AKR1E2: variants seen among roughly 807,000 people sequenced by gnomAD.
AKR1E2 encodes the protein aldo-keto reductase family 1 member E2.
In AKR1E2, 43 loss-of-function variants were observed where a neutral mutation model predicts 41.9. The ratio of observed to expected loss-of-function variants is 1.03; its 90% confidence interval spans 0.80 to 1.32. AKR1E2 has a LOEUF of 1.32. AKR1E2 is among the 40% of genes most tolerant of loss of function. The probability of loss-of-function intolerance (pLI) is 0.00; values close to 1 mark genes in which losing one functional copy is unlikely to be tolerated. For synonymous variants in AKR1E2, 121 were observed against 138.9 expected, an observed-to-expected ratio of 0.87 and a Z score of 0.91; for missense variants, 423 against 396.5, an observed-to-expected ratio of 1.07 and a Z score of -0.57.
At chr10:4,848,428 G>T (rs369702586), downstream of AKR1E2, among the ~76,000 whole-genome samples, 3 of 152,186 alleles carry the variant, frequency 2.0e-5, no homozygotes, top group African/African-American at 7.2e-5. Context: ...TGGTCCAGAC[G>T]CCATGATCCC....
chr10:4,825,140 G>A, upstream of AKR1E2: 1 of 375,338 alleles, frequency 2.7e-6, no homozygotes, highest in South Asian at 1.9e-5. Flanking sequence ...ATGCTCACAG[G>A]AGATGCAAGT....
At chr10:4,833,501 CA>C (rs766741451) in intron 3 of AKR1E2, 35 bp downstream of exon 3, 1 of 1,550,092 alleles carries the variant, frequency 6.5e-7, no homozygotes, top group South Asian at 1.1e-5. Context: ...CTGCAGTTTG[CA>C]GGACCTTCCT....
chr10:4,851,532 T>G (rs1834526984), downstream of AKR1E2, among the ~76,000 whole-genome samples: 1 of 152,236 alleles, frequency 6.6e-6, no homozygotes, highest in Non-Finnish European at 1.5e-5. Flanking sequence ...TTCTGTCACG[T>G]ATCGCCTCTG....
chr10:4,872,580 T>C, the AKR1E2 span, among the ~76,000 whole-genome samples: 2 of 152,280 alleles, frequency 1.3e-5, no homozygotes, highest in Admixed American at 6.5e-5. Flanking sequence ...CTGATATTTA[T>C]TGTTAGGGGT....
rs865831254 is a variant in AKR1E2, at chr10:4,833,219, G to A, written c.208-131G>A. 47 of 726,116 alleles carry A rather than the reference G, an allele frequency of 6.5e-5. No homozygotes were observed. The Middle Eastern group carries it at 5.5e-3, about 86-fold the overall frequency. The allele number at this position is 726,116 out of a possible 1,614,324, so 45.0% of individuals were successfully genotyped here. A position where few individuals can be genotyped will look rare whatever the true frequency, so the allele number is the denominator to read the frequency against. ...TGTCCCTGTCCTCCCATCAGAACTT[G>A]CCGTGTTGTATTTGTGGTCATCTCA... On this transcript the variant is annotated intron_variant, in intron 2 of 9. Coordinates refer to ENST00000298375, the MANE Select transcript of AKR1E2 (RefSeq NM_001040177.3).
At chr10:4,835,943 G>A (rs890784979) in intron 4 of AKR1E2, 134 bp downstream of exon 4, 5 of 1,256,838 alleles carry the variant, frequency 4.0e-6, no homozygotes, top group South Asian at 3.1e-5. Context: ...GAGCAAAAAA[G>A]GAATCAATAC....
chr10:4,835,716 C>T lies in AKR1E2; in HGVS notation c.366C>T (p.Ser122=). The part of the protein sequence containing the change: ...PEWIMSCSEL[S]FCLSHPRVQD... ...GGATCATGAGCTGCAGTGAACTTTC[C>T]TTCTGCCTCTCACATCCTCGAGTGC... is the stretch of plus-strand genomic sequence containing the variant. Residue 122 remains serine (S), a synonymous_variant, in exon 4 of 10, where the codon TCC becomes TCT. Coordinates refer to ENST00000298375, the MANE Select transcript of AKR1E2 (RefSeq NM_001040177.3). 1.2e-6 allele frequency: 2 copies of T among 1,614,150 alleles called. No individual in the cohort carries two copies. Among genetic ancestry groups the T allele is most frequent in the Non-Finnish European group, 1.7e-6 (2 of 1,180,046 alleles).
At chr10:4,860,515 G>C in the AKR1E2 span, among the ~76,000 whole-genome samples, 1 of 151,944 alleles carries the variant, frequency 6.6e-6, no homozygotes, top group South Asian at 2.1e-4. Context: ...GAACCTCATA[G>C]TGGCTGCCAA....
chr10:4,870,043 T>G, the AKR1E2 span, among the ~76,000 whole-genome samples: 1 of 152,220 alleles, frequency 6.6e-6, no homozygotes, highest in South Asian at 2.1e-4. Context: ...TAAATCCCAG[T>G]TAGATCCTGT....
chr10:4,863,990 G>T, the AKR1E2 span, among the ~76,000 whole-genome samples: 9 of 152,068 alleles, frequency 5.9e-5, no homozygotes, highest in African/African-American at 2.2e-4. Context: ...ACCAAAAAAA[G>T]CCCAGGACCA....
intron 3 of AKR1E2, among the ~76,000 whole-genome samples, chr10:4,834,726 C>A (rs188988308): frequency 8.1e-4 from 123 of 152,342 alleles, no homozygotes; most frequent in Non-Finnish European, 1.5e-3. Context: ...ACTTTCCTTG[C>A]CCTCATCCTT....
intron 2 of AKR1E2, among the ~76,000 whole-genome samples, chr10:4,833,043 T>G (rs562612581): frequency 6.6e-6 from 1 of 152,320 alleles, no homozygotes; most frequent in Admixed American, 6.5e-5. Context: ...TGCAGGAATT[T>G]CATTTTCGTT....
At chr10:4,857,398 A>AC in the AKR1E2 span, among the ~76,000 whole-genome samples, 38,800 of 151,688 alleles carry the variant, frequency 0.26, 5,151 homozygotes, top group Middle Eastern at 0.37. Context: ...AGTGTGTAGT[A>AC]CCCCCCACAC....
At chr10:4,863,176 C>T in the AKR1E2 span, among the ~76,000 whole-genome samples, 17 of 151,872 alleles carry the variant, frequency 1.1e-4, no homozygotes, top group African/African-American at 3.6e-4. Flanking sequence ...AGCACCACAC[C>T]GCACTTATTC....
rs373678068 is a variant in AKR1E2, at chr10:4,838,271, C to T, written c.582+690C>T. On this transcript the variant is annotated intron_variant, in intron 5 of 9. Transcript: ENST00000298375. ...TCCCATTCCCAGCAGCTGGGATTCACGTCTGAACTTTACACAGGTAAAATA... is the reference window on the plus strand; with the variant it reads ...TCCCATTCCCAGCAGCTGGGATTCATGTCTGAACTTTACACAGGTAAAATA... Among the ~76,000 whole-genome samples, 39 of 152,320 alleles carry T rather than the reference C, an allele frequency of 2.6e-4. No individual in the cohort carries two copies. The East Asian group carries it at 6.9e-3, about 27-fold the overall frequency.
chr10:4,837,872 A>G (rs1237341262), intron 5 of AKR1E2, among the ~76,000 whole-genome samples: 1 of 152,212 alleles, frequency 6.6e-6, no homozygotes, highest in East Asian at 1.9e-4. Context: ...GGGTCCTGGC[A>G]GGTGCCTCAC....
At chr10:4,868,344 A>G in the AKR1E2 span, among the ~76,000 whole-genome samples, 5 of 152,220 alleles carry the variant, frequency 3.3e-5, no homozygotes, top group African/African-American at 1.2e-4. Context: ...TCCATTATCT[A>G]AAGACTCTAC....
intron 8 of AKR1E2, among the ~76,000 whole-genome samples, chr10:4,846,591 G>A (rs1834355228): frequency 6.7e-6 from 1 of 150,276 alleles, no homozygotes; most frequent in African/African-American, 2.5e-5. Flanking sequence ...TGTCATCCAA[G>A]CTGGAGTGCA....
the AKR1E2 span, among the ~76,000 whole-genome samples, chr10:4,861,220 T>C: frequency 6.6e-6 from 1 of 152,246 alleles, no homozygotes; most frequent in Admixed American, 6.5e-5. Flanking sequence ...GTGACAGAAA[T>C]ATTTTCGGAC....
Sources: gnomAD v4.1 joint callset for allele counts (sites outside exome capture counted in the v4.1 genomes callset) on GRCh38, gnomAD v4.1.1 for gene constraint, MANE v1.5 for transcripts, NCBI Gene and HGNC (gene_info 2026-07-23, HGNC 2026-07-21) for gene names.